Variants in GRIK2 observed in about 807,000 individuals in gnomAD.
GRIK2 encodes glutamate receptor ionotropic, kainate 2.
Under a neutral mutation model 100.3 loss-of-function variants are expected in GRIK2, and 32 were observed. The observed-to-expected ratio is 0.32, with a 90% CI of 0.24 to 0.43. The LOEUF (loss-of-function observed/expected upper bound fraction) is 0.43, where lower values mean the gene tolerates loss of function less well. Among genes scored for constraint, GRIK2 ranks in the 20% least tolerant of loss-of-function variants. The pLI is 1.00. For synonymous variants in GRIK2, 417 were observed against 389.4 expected (o/e 1.07, Z -0.83); for missense variants, 843 against 1,114.9 (o/e 0.76, Z 3.47).
chr6:101,482,754 A>C (rs960720186), intron 2 of GRIK2, among the ~76,000 whole-genome samples: 4 of 152,196 alleles, frequency 2.6e-5, no homozygotes, highest in Non-Finnish European at 5.9e-5. Flanking sequence ...AGGAGGAAGA[A>C]GTAACGAATG....
intron 16 of GRIK2, among the ~76,000 whole-genome samples, chr6:102,060,412 C>T (rs1405233861): frequency 6.6e-6 from 1 of 150,696 alleles, no homozygotes. Flanking sequence ...ACACGCAAGA[C>T]TAGGGATCCT....
At chr6:101,535,799 C>T (rs150773697) in intron 2 of GRIK2, among the ~76,000 whole-genome samples, 27 of 151,580 alleles carry the variant, frequency 1.8e-4, no homozygotes, top group Non-Finnish European at 3.7e-4. Flanking sequence ...CAGAACATCT[C>T]GTTGCTGCAA....
chr6:102,036,618 A>C (rs1770288544), intron 15 of GRIK2, among the ~76,000 whole-genome samples: 1 of 150,948 alleles, frequency 6.6e-6, no homozygotes, highest in Admixed American at 6.7e-5. Context: ...GAGAGAGGAG[A>C]GAGATTTGTA....
rs538591027 is a variant in GRIK2, at chr6:101,849,332, C to T, written c.1318-9955C>T. Among the ~76,000 whole-genome samples the T allele has an allele frequency of 7.4e-4, 113 of 152,036 alleles. 1 individual carries two copies. The highest frequency in any genetic ancestry group is 3.1e-4 in the Non-Finnish European group (21 of 67,984). On this transcript the variant is annotated intron_variant, in intron 10 of 16. Coordinates refer to ENST00000369134, the MANE Select transcript of GRIK2 (RefSeq NM_021956.5). ...GCTGTCCATAGTAATACCTTTCATC[C>T]TTAATCTCCCTTTTAAAAGTGTGAC...
chr6:101,983,052 C>G (rs1793812719), intron 14 of GRIK2, among the ~76,000 whole-genome samples: 1 of 151,772 alleles, frequency 6.6e-6, no homozygotes, highest in Admixed American at 6.6e-5. Context: ...GAAGTAATGT[C>G]TTTATTTTAG....
chr6:101,940,855 G>T (rs1220292932), intron 14 of GRIK2, among the ~76,000 whole-genome samples: 1 of 152,130 alleles, frequency 6.6e-6, no homozygotes, highest in Non-Finnish European at 1.5e-5. Flanking sequence ...AGTAAAATAT[G>T]AAATTTCAAT....
intron 2 of GRIK2, among the ~76,000 whole-genome samples, chr6:101,512,415 A>G (rs986727178): frequency 1.3e-5 from 2 of 152,104 alleles, no homozygotes; most frequent in African/African-American, 4.8e-5. Context: ...TGTATGACTG[A>G]AAAATGCTTC....
intron 7 of GRIK2, among the ~76,000 whole-genome samples, chr6:101,723,858 A>G (rs1774666708): frequency 6.6e-6 from 1 of 152,010 alleles, no homozygotes; most frequent in South Asian, 2.1e-4. Context: ...GGAAATTCTC[A>G]AAGATAATGT....
intron 14 of GRIK2, among the ~76,000 whole-genome samples, chr6:101,941,628 A>AT (rs1562500468): frequency 6.6e-6 from 1 of 152,124 alleles, no homozygotes; most frequent in Non-Finnish European, 1.5e-5. Context: ...AATGGCTTGG[A>AT]TTTTTAAACA....
At chr6:101,638,564 A>T (rs1049131099) in intron 4 of GRIK2, among the ~76,000 whole-genome samples, 23 of 149,960 alleles carry the variant, frequency 1.5e-4, no homozygotes, top group Non-Finnish European at 2.5e-4. Flanking sequence ...GGAGAAAAAA[A>T]TATAACCACG....
intron 2 of GRIK2, among the ~76,000 whole-genome samples, chr6:101,440,297 T>C (rs1055815570): frequency 6.6e-6 from 1 of 152,188 alleles, no homozygotes; most frequent in East Asian, 1.9e-4. Context: ...CAAGGTTCAA[T>C]TGACATTAAC....
intron 2 of GRIK2, among the ~76,000 whole-genome samples, chr6:101,595,635 C>A (rs1324566800): frequency 6.6e-6 from 1 of 150,828 alleles, no homozygotes; most frequent in Non-Finnish European, 1.5e-5. Flanking sequence ...TGCATACACA[C>A]ACAGACATAT....
chr6:101,772,884 C>T (rs1778494470), intron 7 of GRIK2, among the ~76,000 whole-genome samples: 1 of 152,040 alleles, frequency 6.6e-6, no homozygotes, highest in African/African-American at 2.4e-5. Flanking sequence ...TTGTCCCACT[C>T]ACATACTGTA....
chr6:101,501,783 G>A (rs1773760223), intron 2 of GRIK2, among the ~76,000 whole-genome samples: 1 of 151,826 alleles, frequency 6.6e-6, no homozygotes, highest in Non-Finnish European at 1.5e-5. Flanking sequence ...TCCAAGACAG[G>A]GTCTCACTTT....
chr6:101,913,528 A>G lies in GRIK2; in HGVS notation c.1749-11073A>G, dbSNP rs907892226. 2.0e-5 allele frequency among the ~76,000 whole-genome samples: 3 copies of G among 151,610 alleles called. No individual in the cohort carries two copies. In the South Asian group the frequency reaches 6.2e-4, roughly 31 times the overall value. On this transcript the variant is annotated intron_variant, in intron 12 of 16. Transcript: ENST00000369134. ...TAAAATGACATACTTCATTCATTTA[A>G]TCTATTAGTAAGTGAATTAAGGCTT...
intron 4 of GRIK2, among the ~76,000 whole-genome samples, chr6:101,630,727 G>C (rs1192390250): frequency 6.6e-6 from 1 of 152,064 alleles, no homozygotes; most frequent in Non-Finnish European, 1.5e-5. Flanking sequence ...ATTTGATGAT[G>C]TGATAGGAAA....
At chr6:101,980,029 C>G (rs1793620483) in intron 14 of GRIK2, among the ~76,000 whole-genome samples, 1 of 151,870 alleles carries the variant, frequency 6.6e-6, no homozygotes. Context: ...GTCAGAGGGG[C>G]TTCTTTGAAG....
chr6:101,936,239 T>C (rs897763102), intron 14 of GRIK2, among the ~76,000 whole-genome samples: 3 of 152,056 alleles, frequency 2.0e-5, no homozygotes, highest in African/African-American at 7.2e-5. Context: ...TTTCTAGAAG[T>C]CTGGAAGAAA....
intron 13 of GRIK2, among the ~76,000 whole-genome samples, chr6:101,925,578 T>C (rs1789834549): frequency 6.6e-6 from 1 of 152,018 alleles, no homozygotes; most frequent in Admixed American, 6.6e-5. Flanking sequence ...ATTTAAAATG[T>C]AACATTTTAA....
Sources: allele counts gnomAD v4.1 joint callset (sites outside exome capture counted in the v4.1 genomes callset), GRCh38; gene constraint gnomAD v4.1.1; transcripts MANE v1.5; gene names NCBI Gene and HGNC (gene_info 2026-07-23, HGNC 2026-07-21).